Variants in CADM2 observed in about 807,000 individuals in gnomAD.
CADM2 encodes the protein immunoglobulin superfamily member 4D.
A neutral mutation model predicts 49.8 loss-of-function variants in CADM2; 12 were observed. That is an observed-to-expected ratio of 0.24 (90% confidence interval 0.15 to 0.39). The LOEUF (loss-of-function observed/expected upper bound fraction) is 0.39, where lower values mean the gene tolerates loss of function less well. Among genes scored for constraint, CADM2 ranks in the 10% least tolerant of loss-of-function variants. The probability of loss-of-function intolerance (pLI) is 1.00; values close to 1 mark genes in which losing one functional copy is unlikely to be tolerated. For missense variants in CADM2, 378 were observed against 492.3 expected (o/e 0.77, Z 2.20); for synonymous variants, 214 against 175.4 (o/e 1.22, Z -1.74).
At chr3:85,806,754 A>G (rs2072453977) in intron 3 of CADM2, among the ~76,000 whole-genome samples, 1 of 150,542 alleles carries the variant, frequency 6.6e-6, no homozygotes, top group Non-Finnish European at 1.5e-5. Context: ...ACAAAACAAA[A>G]CAAACAAACA....
chr3:84,999,563 A>C (rs574689416), intron 1 of CADM2, among the ~76,000 whole-genome samples: 1 of 152,298 alleles, frequency 6.6e-6, no homozygotes, highest in African/African-American at 2.4e-5. Flanking sequence ...ACAAAAAATG[A>C]GAAAAATGTA....
At chr3:85,083,144 A>C (rs1371019135) in intron 1 of CADM2, among the ~76,000 whole-genome samples, 1 of 152,120 alleles carries the variant, frequency 6.6e-6, no homozygotes, top group Non-Finnish European at 1.5e-5. Context: ...TACATGTGTT[A>C]TGGAAACACA....
intron 8 of CADM2, among the ~76,000 whole-genome samples, chr3:85,999,065 TA>T (rs1729796320): frequency 6.6e-6 from 1 of 152,156 alleles, no homozygotes; most frequent in South Asian, 2.1e-4. Context: ...TGCAGAGTTT[TA>T]AAAAGCTTTG....
intron 1 of CADM2, among the ~76,000 whole-genome samples, chr3:85,197,778 G>A (rs1209908868): frequency 1.3e-5 from 2 of 151,906 alleles, no homozygotes; most frequent in Admixed American, 1.3e-4. Context: ...TCATGATGCT[G>A]CTTGTATTTT....
chr3:85,415,462 A>G (rs1226568991), intron 1 of CADM2, among the ~76,000 whole-genome samples: 1 of 151,802 alleles, frequency 6.6e-6, no homozygotes, highest in Non-Finnish European at 1.5e-5. Context: ...TCAATGAGAA[A>G]AAGATCTAAG....
At chr3:85,432,818 T>C (rs534150560) in intron 1 of CADM2, among the ~76,000 whole-genome samples, 1 of 152,258 alleles carries the variant, frequency 6.6e-6, no homozygotes, top group South Asian at 2.1e-4. Flanking sequence ...AGCAGGTATA[T>C]AAACTAAGTT....
chr3:85,766,367 G>A (rs1559641741), intron 2 of CADM2, among the ~76,000 whole-genome samples: 1 of 152,144 alleles, frequency 6.6e-6, no homozygotes, highest in Non-Finnish European at 1.5e-5. Flanking sequence ...AACATACTAG[G>A]ATTGTCCCTG....
intron 1 of CADM2, among the ~76,000 whole-genome samples, chr3:85,390,508 T>G (rs2107393613): frequency 6.6e-6 from 1 of 152,178 alleles, no homozygotes; most frequent in Non-Finnish European, 1.5e-5. Context: ...GTAACTCTCC[T>G]TCCTTATCCT....
intron 1 of CADM2, among the ~76,000 whole-genome samples, chr3:85,714,701 A>T (rs1443888042): frequency 6.6e-6 from 1 of 151,972 alleles, no homozygotes; most frequent in South Asian, 2.1e-4. Context: ...AAGTGCTGGG[A>T]TTACACGTGT....
At chr3:85,994,349 G>A (rs1174021348) in intron 8 of CADM2, 1 of 152,150 alleles carries the variant, frequency 6.6e-6, no homozygotes. Flanking sequence ...GAGAGTTAGG[G>A]CCTTGGTCTG....
chr3:85,826,551 A>G (rs1446486632), intron 3 of CADM2, among the ~76,000 whole-genome samples: 1 of 152,028 alleles, frequency 6.6e-6, no homozygotes, highest in Non-Finnish European at 1.5e-5. Context: ...AAAGTGTGAA[A>G]TACTTCCTCT....
intron 1 of CADM2, among the ~76,000 whole-genome samples, chr3:85,593,386 A>T (rs990207617): frequency 6.6e-6 from 1 of 152,018 alleles, no homozygotes; most frequent in Non-Finnish European, 1.5e-5. Context: ...GTCAATTAAA[A>T]TTCTAGAGCC....
At chr3:85,655,064 C>T (rs1027359255) in intron 1 of CADM2, among the ~76,000 whole-genome samples, 8 of 152,002 alleles carry the variant, frequency 5.3e-5, no homozygotes, top group Non-Finnish European at 7.4e-5. Context: ...GATTCTTATG[C>T]TTTATTTTGA....
At chr3:85,428,130 G>T (rs372990637) in intron 1 of CADM2, among the ~76,000 whole-genome samples, 1 of 151,064 alleles carries the variant, frequency 6.6e-6, no homozygotes, top group Non-Finnish European at 1.5e-5. Context: ...ACTATGAACT[G>T]TTGAGTACTT....
intron 3 of CADM2, among the ~76,000 whole-genome samples, chr3:85,857,939 T>G (rs1577490228): frequency 6.6e-6 from 1 of 152,332 alleles, no homozygotes; most frequent in Non-Finnish European, 1.5e-5. Context: ...TCCCTTATTT[T>G]GGGTGACTGC....
intron 8 of CADM2, among the ~76,000 whole-genome samples, chr3:86,001,280 A>T (rs1730161936): frequency 6.6e-6 from 1 of 152,116 alleles, no homozygotes; most frequent in South Asian, 2.1e-4. Flanking sequence ...TTGAGTGAAG[A>T]GTTGGATATA....
chr3:85,170,439 C>T (rs1576033548), intron 1 of CADM2, among the ~76,000 whole-genome samples: 1 of 150,774 alleles, frequency 6.6e-6, no homozygotes, highest in Non-Finnish European at 1.5e-5. Context: ...CCCAGGTTTT[C>T]GCGATTCTTC....
chr3:86,048,919 A>C (rs1324761546), intron 8 of CADM2, among the ~76,000 whole-genome samples: 1 of 152,214 alleles, frequency 6.6e-6, no homozygotes, highest in Non-Finnish European at 1.5e-5. Flanking sequence ...GCCTCTAACT[A>C]TAAAAGACAA....
intron 1 of CADM2, among the ~76,000 whole-genome samples, chr3:85,110,289 T>TG (rs1227032757): frequency 1.3e-5 from 2 of 151,458 alleles, no homozygotes; most frequent in African/African-American, 2.4e-5. Context: ...AGAGAAACTG[T>TG]GGGGGGCAGA....
Sources: allele counts gnomAD v4.1 joint callset (sites outside exome capture counted in the v4.1 genomes callset), GRCh38; gene constraint gnomAD v4.1.1; transcripts MANE v1.5; gene names NCBI Gene and HGNC (gene_info 2026-07-23, HGNC 2026-07-21).